ZNF385D: variants seen among roughly 807,000 people sequenced by gnomAD.
ZNF385D encodes zinc finger protein 385D.
A neutral mutation model predicts 35.8 loss-of-function variants in ZNF385D; 15 were observed. The ratio of observed to expected loss-of-function variants is 0.42; its 90% CI spans 0.28 to 0.64. ZNF385D has a LOEUF of 0.64. Ranked by LOEUF, ZNF385D falls within the 30% of genes least tolerant of loss-of-function variation. The pLI is 0.23. For missense variants in ZNF385D, 474 were observed against 494.6 expected (o/e 0.96, Z 0.39); for synonymous variants, 212 against 186.8 (o/e 1.13, Z -1.10).
chr3:22,226,287 G>A (rs958606832), intron 2 of ZNF385D, among the ~76,000 whole-genome samples: 2 of 151,928 alleles, frequency 1.3e-5, no homozygotes, highest in African/African-American at 2.4e-5. Flanking sequence ...AGAGATAAAC[G>A]CACTTGGATG....
At chr3:22,043,560 T>C (rs1698805767) in intron 3 of ZNF385D, among the ~76,000 whole-genome samples, 1 of 152,120 alleles carries the variant, frequency 6.6e-6, no homozygotes. Context: ...GTCCTATACA[T>C]TGTTCTAAAG....
intron 2 of ZNF385D, among the ~76,000 whole-genome samples, chr3:22,172,325 T>C (rs1315573866): frequency 1.3e-5 from 2 of 152,234 alleles, no homozygotes; most frequent in Non-Finnish European, 2.9e-5. Context: ...TGATTTACTC[T>C]TGCAGACTCA....
intron 3 of ZNF385D, among the ~76,000 whole-genome samples, chr3:22,132,555 C>G (rs1468144298): frequency 6.6e-6 from 1 of 151,796 alleles, no homozygotes; most frequent in East Asian, 1.9e-4. Context: ...AAAAATTAGC[C>G]CAAATTTATT....
intron 3 of ZNF385D, among the ~76,000 whole-genome samples, chr3:22,082,934 AG>A (rs1333211345): frequency 6.6e-6 from 1 of 152,210 alleles, no homozygotes; most frequent in African/African-American, 2.4e-5. Context: ...CCAGGCAAAC[AG>A]GGTCTGGGGT....
intron 2 of ZNF385D, among the ~76,000 whole-genome samples, chr3:22,263,683 A>C (rs1423255491): frequency 6.6e-6 from 1 of 152,012 alleles, no homozygotes; most frequent in Admixed American, 6.6e-5. Context: ...TGAATGAACA[A>C]ATGAATAAGA....
intron 3 of ZNF385D, among the ~76,000 whole-genome samples, chr3:21,947,893 G>T (rs927339519): frequency 6.6e-6 from 1 of 151,860 alleles, no homozygotes; most frequent in African/African-American, 2.4e-5. Context: ...ATTTCTCCTG[G>T]GTTTTGTTTC....
chr3:21,588,746 C>G (rs1266425741), intron 2 of ZNF385D, among the ~76,000 whole-genome samples: 1 of 152,000 alleles, frequency 6.6e-6, no homozygotes, highest in Non-Finnish European at 1.5e-5. Flanking sequence ...AGATAAACCA[C>G]CCTTAAAGAA....
chr3:22,246,746 A>G (rs1295727852), intron 2 of ZNF385D, among the ~76,000 whole-genome samples: 2 of 152,140 alleles, frequency 1.3e-5, no homozygotes, highest in Non-Finnish European at 2.9e-5. Flanking sequence ...ATGGAAACCC[A>G]AATGACTTTC....
intron 2 of ZNF385D, among the ~76,000 whole-genome samples, chr3:22,287,793 C>T (rs1242166746): frequency 6.6e-6 from 1 of 151,940 alleles, no homozygotes; most frequent in East Asian, 1.9e-4. Flanking sequence ...TTACACATTG[C>T]CATTATAGTA....
chr3:22,044,123 A>T (rs1698841634), intron 3 of ZNF385D, among the ~76,000 whole-genome samples: 1 of 150,796 alleles, frequency 6.6e-6, no homozygotes, highest in Non-Finnish European at 1.5e-5. Flanking sequence ...TAATGGCCTC[A>T]GGATTTGGTG....
intron 3 of ZNF385D, among the ~76,000 whole-genome samples, chr3:22,140,178 G>C (rs140628833): frequency 4.1e-4 from 62 of 152,224 alleles, no homozygotes; most frequent in African/African-American, 1.3e-3. Context: ...ATATTCAAAA[G>C]TCTTTCAACT....
intron 2 of ZNF385D, among the ~76,000 whole-genome samples, chr3:22,274,080 T>C (rs1323386482): frequency 3.9e-5 from 6 of 152,060 alleles, no homozygotes; most frequent in Admixed American, 1.3e-4. Flanking sequence ...GTAATTTTAA[T>C]TCAAGGATCC....
At chr3:21,609,427 C>T (rs1292140762) in intron 2 of ZNF385D, among the ~76,000 whole-genome samples, 1 of 152,278 alleles carries the variant, frequency 6.6e-6, no homozygotes, top group East Asian at 1.9e-4. Context: ...AGCCAAATGG[C>T]TCATTTATGG....
chr3:21,789,077 C>G (rs980135892), intron 3 of ZNF385D, among the ~76,000 whole-genome samples: 1 of 152,060 alleles, frequency 6.6e-6, no homozygotes, highest in Non-Finnish European at 1.5e-5. Flanking sequence ...ATATTTAACT[C>G]CTAGAAAAAT....
chr3:22,370,128 G>T (rs1433703468), intron 2 of ZNF385D, among the ~76,000 whole-genome samples: 1 of 152,100 alleles, frequency 6.6e-6, no homozygotes, highest in Non-Finnish European at 1.5e-5. Context: ...TAAAATAAAA[G>T]GGAAATTTTA....
chr3:22,188,011 G>A (rs1160540762), intron 2 of ZNF385D, among the ~76,000 whole-genome samples: 3 of 152,288 alleles, frequency 2.0e-5, no homozygotes, highest in Non-Finnish European at 4.4e-5. Flanking sequence ...CACCCTGTTA[G>A]AATTCATGAA....
At chr3:21,876,874 T>C (rs1480202223) in intron 3 of ZNF385D, among the ~76,000 whole-genome samples, 1 of 152,124 alleles carries the variant, frequency 6.6e-6, no homozygotes, top group Non-Finnish European at 1.5e-5. Flanking sequence ...TTGCTTTCTT[T>C]AGGATCACTA....
chr3:21,819,145 G>A (rs1483927397), intron 3 of ZNF385D, among the ~76,000 whole-genome samples: 1 of 151,690 alleles, frequency 6.6e-6, no homozygotes, highest in African/African-American at 2.4e-5. Flanking sequence ...ACTAAAAATA[G>A]TCATGAAATG....
At chr3:21,785,024 A>T (rs1223407317) in intron 3 of ZNF385D, among the ~76,000 whole-genome samples, 2 of 152,118 alleles carry the variant, frequency 1.3e-5, no homozygotes, top group African/African-American at 4.8e-5. Flanking sequence ...TTCCTAGTTT[A>T]GCTCTAACAT....
Sources: gnomAD v4.1 joint callset for allele counts (sites outside exome capture counted in the v4.1 genomes callset) on GRCh38, gnomAD v4.1.1 for gene constraint, MANE v1.5 for transcripts, NCBI Gene and HGNC (gene_info 2026-07-23, HGNC 2026-07-21) for gene names.